SBF2: variants seen among roughly 807,000 people sequenced by gnomAD.
SBF2 encodes SET binding factor 2.
In SBF2, 112 loss-of-function variants were observed where a neutral mutation model predicts 225.2. That is an observed-to-expected ratio of 0.50 (90% CI 0.43 to 0.58). SBF2 has a LOEUF of 0.58. Among genes scored for constraint, SBF2 ranks in the 20% least tolerant of loss-of-function variants. The pLI is 0.00. For synonymous variants in SBF2, 763 were observed against 773.3 expected, an observed-to-expected ratio of 0.99 and a Z score of 0.22; for missense variants, 1,996 against 2,206.2, an observed-to-expected ratio of 0.90 and a Z score of 1.91.
At chr11:9,998,420 C>A in intron 8 of SBF2, 41 bp from the exon 9 acceptor site, 1 of 1,098,654 alleles carries the variant, frequency 9.1e-7, no homozygotes, top group Non-Finnish European at 1.4e-6. Flanking sequence ...TACCAAAATA[C>A]ATTTGTTGTT....
At chr11:10,233,355 G>A (rs1958932970) in intron 1 of SBF2, among the ~76,000 whole-genome samples, 1 of 151,904 alleles carries the variant, frequency 6.6e-6, no homozygotes, top group African/African-American at 2.4e-5. Context: ...TTCTATTCCT[G>A]TCTTAAAGTA....
chr11:9,946,303 C>T (rs1590566398), intron 16 of SBF2, among the ~76,000 whole-genome samples: 1 of 152,134 alleles, frequency 6.6e-6, no homozygotes, highest in Admixed American at 6.5e-5. Context: ...AGCTGGAGGC[C>T]ATTATCATAC....
At chr11:9,903,276 C>T (rs957912919) in intron 16 of SBF2, among the ~76,000 whole-genome samples, 18 of 151,584 alleles carry the variant, frequency 1.2e-4, no homozygotes, top group Admixed American at 8.5e-4. Flanking sequence ...GAGCCAAGAT[C>T]GTGCCACTGC....
chr11:10,158,396 G>A (rs1955574439), intron 2 of SBF2, among the ~76,000 whole-genome samples: 1 of 152,010 alleles, frequency 6.6e-6, no homozygotes, highest in African/African-American at 2.4e-5. Context: ...AAACTAAGAG[G>A]TGGTTTTTTG....
At chr11:10,095,727 G>A (rs1031698030) in intron 2 of SBF2, among the ~76,000 whole-genome samples, 5 of 152,018 alleles carry the variant, frequency 3.3e-5, no homozygotes, top group East Asian at 3.9e-4. Flanking sequence ...GAGAACAAAC[G>A]GATTTTAATC....
At chr11:10,267,119 C>T (rs376252228) in intron 1 of SBF2, among the ~76,000 whole-genome samples, 1 of 152,096 alleles carries the variant, frequency 6.6e-6, no homozygotes, top group Admixed American at 6.6e-5. Context: ...AATTAAATTA[C>T]ATTAAATTAA....
intron 1 of SBF2, among the ~76,000 whole-genome samples, chr11:10,285,070 G>A (rs1963660593): frequency 6.6e-6 from 1 of 152,140 alleles, no homozygotes; most frequent in Non-Finnish European, 1.5e-5. Context: ...AGTGCTTTGG[G>A]AAGTTCAGGC....
At chr11:10,232,879 C>G (rs1958913950) in intron 1 of SBF2, among the ~76,000 whole-genome samples, 1 of 152,174 alleles carries the variant, frequency 6.6e-6, no homozygotes, top group Admixed American at 6.6e-5. Flanking sequence ...GTCCTTCAGA[C>G]AAGTCATTTA....
At chr11:9,852,487 C>A (rs1274680024) in intron 21 of SBF2, among the ~76,000 whole-genome samples, 189 bp downstream of exon 21, 3 of 152,146 alleles carry the variant, frequency 2.0e-5, no homozygotes, top group Non-Finnish European at 2.9e-5. Context: ...AGAAAAGATT[C>A]TGTTCCTATT....
chr11:10,227,210 T>G (rs1958609163), intron 1 of SBF2, among the ~76,000 whole-genome samples: 1 of 152,218 alleles, frequency 6.6e-6, no homozygotes, highest in Admixed American at 6.5e-5. Flanking sequence ...CATTGTAGAT[T>G]CTGGATATTA....
intron 6 of SBF2, among the ~76,000 whole-genome samples, chr11:10,023,105 T>TA (rs1565144586): frequency 6.6e-6 from 1 of 152,180 alleles, no homozygotes; most frequent in Non-Finnish European, 1.5e-5. Context: ...GAAGACTTTC[T>TA]AAAAAAGATA....
At chr11:9,962,671 C>A (rs1467238693) in intron 15 of SBF2, among the ~76,000 whole-genome samples, 2 of 152,216 alleles carry the variant, frequency 1.3e-5, no homozygotes, top group African/African-American at 4.8e-5. Context: ...TGCATTAAAA[C>A]TCTTTTCGCT....
intron 17 of SBF2, among the ~76,000 whole-genome samples, 192 bp from the exon 18 acceptor site, chr11:9,858,588 T>G (rs545798908): frequency 6.6e-6 from 1 of 152,308 alleles, no homozygotes; most frequent in Non-Finnish European, 1.5e-5. Flanking sequence ...GTTGGATCCT[T>G]GAGAGTCTCA....
At chr11:9,804,387 T>A (rs976531556) in intron 32 of SBF2, among the ~76,000 whole-genome samples, 1 of 152,248 alleles carries the variant, frequency 6.6e-6, no homozygotes, top group Non-Finnish European at 1.5e-5. Flanking sequence ...TCTGGAACTC[T>A]AGTTTACTGA....
At chr11:10,249,356 TCTA>T (rs1388347837) in intron 1 of SBF2, among the ~76,000 whole-genome samples, 1 of 152,142 alleles carries the variant, frequency 6.6e-6, no homozygotes, top group Non-Finnish European at 1.5e-5. Flanking sequence ...ACATTAATAA[TCTA>T]CTAATGTAAG....
chr11:10,193,260 T>TGG (rs1957243999), intron 2 of SBF2, among the ~76,000 whole-genome samples: 1 of 151,824 alleles, frequency 6.6e-6, no homozygotes, highest in African/African-American at 2.4e-5. Context: ...AATATATATA[T>TGG]GTGTATCCCT....
rs1953394466 is a variant in SBF2 at position 10,120,657 on chromosome 11, G to A, written c.141+73245C>T. Among the ~76,000 whole-genome samples the A allele has an allele frequency of 2.0e-5, 3 of 152,056 alleles. No homozygotes were observed. The South Asian group carries it at 6.2e-4, about 32-fold the overall frequency. ...TTTTTTTGAGACAGAGTCTCGCTCT[G>A]TCACCCAGGCTGGAGTGCAGTGGCG... On this transcript the variant is annotated intron_variant, in intron 2 of 39. Transcript: ENST00000256190.
Position 9,803,483 on chromosome 11 carries a change from C to T in SBF2, c.4443+4517G>A, listed in dbSNP as rs1256411412. 2.0e-5 allele frequency among the ~76,000 whole-genome samples: 3 copies of T among 152,122 alleles called. No individual in the cohort carries two copies. The East Asian group carries it at 5.8e-4, about 29-fold the overall frequency. ...CCTCTCCCACTCCTCCCCCCCAGCC[C>T]CATCCCCAATAATAAAATAGAAGAA... On this transcript the variant is annotated intron_variant, in intron 32 of 39. Coordinates refer to ENST00000256190, the MANE Select transcript of SBF2 (RefSeq NM_030962.4).
At position 9,983,497 on chromosome 11, in the gene SBF2, C is replaced by T. The variant is rs151168333; in HGVS notation, c.1395+6000G>A. The stretch of plus-strand genomic sequence containing the variant: ...ACCTGATGGTCCTTCCCTATCCACC[C>T]TGGTAGCAGAAGACAAAGGGCATAT... On this transcript the variant is annotated intron_variant, in intron 13 of 39. Transcript: ENST00000256190. 6.8e-3 allele frequency among the ~76,000 whole-genome samples: 1,034 copies of T among 152,286 alleles called. 15 individuals carry two copies. The highest frequency in any genetic ancestry group is 0.023 in the African/African-American group (961 of 41,550).
Sources: gnomAD v4.1 joint callset for allele counts (sites outside exome capture counted in the v4.1 genomes callset) on GRCh38, gnomAD v4.1.1 for gene constraint, MANE v1.5 for transcripts, NCBI Gene and HGNC (gene_info 2026-07-23, HGNC 2026-07-21) for gene names.